The following DNAH3 variants were observed in gnomAD, a reference collection of about 807,000 sequenced individuals.
DNAH3 encodes the protein dynein axonemal heavy chain 3, also known as axonemal beta dynein heavy chain 3.
DNAH3 carries 332 observed loss-of-function variants against 432.5 expected under a neutral mutation model. The ratio of observed to expected loss-of-function variants is 0.77; its 90% CI spans 0.70 to 0.84. DNAH3 has a LOEUF of 0.84. DNAH3 is among the 40% of genes least tolerant of loss of function. The pLI is 0.00. For missense variants in DNAH3, 4,861 were observed against 5,114.0 expected (o/e 0.95, Z 1.51); for synonymous variants, 1,956 against 1,900.2 (o/e 1.03, Z -0.76).
chr16:20,990,847 C>T (rs1208642404), intron 44 of DNAH3, among the ~76,000 whole-genome samples: 1 of 151,888 alleles, frequency 6.6e-6, no homozygotes, highest in Non-Finnish European at 1.5e-5. Flanking sequence ...TGGTGAAACC[C>T]CCATCTCTAT....
exon 60 of DNAH3, chr16:20,936,675 G>C: frequency 6.2e-7 from 1 of 1,603,400 alleles, no homozygotes; most frequent in Non-Finnish European, 8.5e-7. Flanking sequence ...CGGGCCAGCA[G>C]GTCAGCCACG....
Position 21,060,261 on chromosome 16 carries a change from T to C in DNAH3, c.3813+3A>G, listed in dbSNP as rs763507026. 13 of 1,612,382 alleles carry C rather than the reference T, an allele frequency of 8.1e-6. No individual in the cohort carries two copies. Among genetic ancestry groups the C allele is most frequent in the Non-Finnish European group, 1.1e-5 (13 of 1,178,452 alleles). The stretch of plus-strand genomic sequence containing the variant: ...TGGCATGTGTACCCCGGTTCTTGTT[T>C]ACCTTGACATATGCTTCAATCCCAA... On this transcript the variant is annotated splice_donor_region_variant and intron_variant, in intron 26 of 61. Coordinates refer to ENST00000261383, the Ensembl canonical transcript of DNAH3.
intron 31 of DNAH3, among the ~76,000 whole-genome samples, chr16:21,048,419 G>T (rs1261485142): frequency 6.6e-6 from 1 of 152,184 alleles, no homozygotes; most frequent in African/African-American, 2.4e-5. Context: ...GCAGTATTCG[G>T]GTGGGAGTGA....
rs796614759 is a variant in DNAH3 at position 21,141,054 on chromosome 16, G to A, written c.521+246C>T. ...CTCAGGAGGCTAAGGAAGGAGAGTC[G>A]CTTGAACCCGGGAGGCAGATGTTGC... is the stretch of plus-strand genomic sequence containing the variant. On this transcript the variant is annotated intron_variant, in intron 4 of 61. Transcript: ENST00000261383. Among the ~76,000 whole-genome samples, 20 of 152,126 alleles carry A rather than the reference G, an allele frequency of 1.3e-4. 1 individual carries two copies. The highest frequency in any genetic ancestry group is 1.6e-4 in the Non-Finnish European group (11 of 67,992).
At chr16:20,963,507 T>C (rs1555511088) in exon 53 of DNAH3, 7 of 1,613,548 alleles carry the variant, frequency 4.3e-6, no homozygotes, top group South Asian at 2.2e-5. Flanking sequence ...ACCCAGGGAG[T>C]TGCTCCTCAT....
rs1484782365 is a variant in DNAH3 at position 20,964,130 on chromosome 16, T to C, written c.9754A>G (p.Asn3252Asp). Reference sequence around the variant, plus strand: ...ATGGCGGTTTCATCCTCCAGGATGTTACCCTTGGACATGGAGAGAACCTCC... The same window carrying C: ...ATGGCGGTTTCATCCTCCAGGATGTCACCCTTGGACATGGAGAGAACCTCC... The change falls in exon 53 of 62, where the codon AAC (asparagine) becomes GAC (aspartate). Residue 3252 changes from asparagine (N) to aspartate (D), a missense_variant. By Grantham distance (23) the Asn-to-Asp change is conservative. Transcript: ENST00000261383. 2.5e-6 allele frequency: 4 copies of C among 1,614,082 alleles called. No individual in the cohort carries two copies. The South Asian group carries it at 4.4e-5, about 18-fold the overall frequency.
chr16:21,141,637 A>G (rs760278034), intron 3 of DNAH3, among the ~76,000 whole-genome samples: 3 of 152,216 alleles, frequency 2.0e-5, no homozygotes, highest in Non-Finnish European at 4.4e-5. Context: ...TCGTTCATAC[A>G]TTTGGCAAGA....
At chr16:21,130,266 A>G (rs17694722) in intron 7 of DNAH3, among the ~76,000 whole-genome samples, 24,352 of 150,380 alleles carry the variant, frequency 0.16, 2,433 homozygotes, top group South Asian at 0.23. Context: ...GATAAGGAAG[A>G]GCGGAAACTA....
chr16:21,018,756 G>A (rs950877321), intron 41 of DNAH3, among the ~76,000 whole-genome samples: 5 of 151,964 alleles, frequency 3.3e-5, no homozygotes, highest in Non-Finnish European at 5.9e-5. Context: ...TTAGCCAGGC[G>A]TGGTGGTGCA....
chr16:21,132,283 C>A (rs571911871), intron 7 of DNAH3, among the ~76,000 whole-genome samples: 132 of 152,294 alleles, frequency 8.7e-4, no homozygotes, highest in African/African-American at 3.1e-3. Flanking sequence ...CCTCCCAAAG[C>A]AAAATACATG....
At chr16:21,098,454 A>AG (rs373978009) in intron 17 of DNAH3, among the ~76,000 whole-genome samples, 162 bp downstream of exon 17, 4,566 of 149,256 alleles carry the variant, frequency 0.031, 129 homozygotes, top group East Asian at 0.15. Context: ...AAAAAAAAAA[A>AG]AAAAGAAAAG....
At chr16:21,045,164 G>T (rs1459729813) in intron 31 of DNAH3, among the ~76,000 whole-genome samples, 1 of 150,518 alleles carries the variant, frequency 6.6e-6, no homozygotes, top group African/African-American at 2.4e-5. Flanking sequence ...GCCTGGCTTT[G>T]GTATCAGAAT....
At position 21,075,438 on chromosome 16, in the gene DNAH3, G is replaced by C. The variant is rs1428529837; in HGVS notation, c.3084+9C>G. The stretch of plus-strand genomic sequence containing the variant: ...TTTCAAAAGGGGCTGCGGTTGCAGT[G>C]AGACTCACAGTGTCCCTGTATTTCA... On this transcript the variant is annotated intron_variant, in intron 21 of 61. Coordinates refer to ENST00000261383, the Ensembl canonical transcript of DNAH3. The C allele has an allele frequency of 6.3e-7, 1 of 1,593,906 alleles. No individual in the cohort carries two copies. Among genetic ancestry groups the C allele is most frequent in the Non-Finnish European group, 8.6e-7 (1 of 1,161,540 alleles).
At chr16:21,096,674 GT>G (rs974289338) in intron 18 of DNAH3, among the ~76,000 whole-genome samples, 1 of 151,348 alleles carries the variant, frequency 6.6e-6, no homozygotes, top group Non-Finnish European at 1.5e-5. Context: ...GTTTTGTTTT[GT>G]TTTTTTCCCA....
rs554812256 is a variant in DNAH3, at chr16:21,022,937, A to G, written c.5647-837T>C. 8.5e-5 allele frequency among the ~76,000 whole-genome samples: 13 copies of G among 152,130 alleles called. No homozygotes were observed. The East Asian group carries it at 2.1e-3, about 25-fold the overall frequency. ...TAATTTTTGTATTTTTAGTAGAGAC[A>G]GGGTTCTACCATGTTGGCCATGCTG... is the stretch of plus-strand genomic sequence containing the variant. On this transcript the variant is annotated intron_variant, in intron 39 of 61. Coordinates refer to ENST00000261383, the Ensembl canonical transcript of DNAH3.
At chr16:20,950,596 A>G (rs2084267879) in intron 56 of DNAH3, among the ~76,000 whole-genome samples, 1 of 152,188 alleles carries the variant, frequency 6.6e-6, no homozygotes, top group Non-Finnish European at 1.5e-5. Flanking sequence ...AATCACAGGT[A>G]TACAGTGTCT....
rs2090940737 is a variant in DNAH3, at chr16:21,075,456, G to T, written c.3075C>A (p.Tyr1025Ter). ...TTGCAGTGAGACTCACAGTGTCCCT[G>T]TATTTCACGAAGCTGAACGTCACGT... Residue 1025 changes from tyrosine to a stop codon, truncating the protein, a stop_gained, in exon 21 of 62, where the codon TAC becomes TAA. Transcript: ENST00000261383. LOFTEE classifies it high-confidence loss of function. 2.5e-6 allele frequency: 4 copies of T among 1,612,648 alleles called. No homozygotes were observed. Among genetic ancestry groups the T allele is most frequent in the Non-Finnish European group, 3.4e-6 (4 of 1,178,638 alleles).
At chr16:21,005,831 GCTCTA>G (rs2087273401) in intron 41 of DNAH3, among the ~76,000 whole-genome samples, 1 of 149,348 alleles carries the variant, frequency 6.7e-6, no homozygotes, top group Non-Finnish European at 1.5e-5. Flanking sequence ...TGCAGACATT[GCTCTA>G]TTCTTTTTTT....
intron 16 of DNAH3, among the ~76,000 whole-genome samples, chr16:21,100,774 C>G (rs958342000): frequency 6.6e-6 from 1 of 152,178 alleles, no homozygotes; most frequent in African/African-American, 2.4e-5. Flanking sequence ...GTTGTACATG[C>G]AATTAGGTGC....
Sources: allele counts gnomAD v4.1 joint callset (sites outside exome capture counted in the v4.1 genomes callset), GRCh38; gene constraint gnomAD v4.1.1; transcripts MANE v1.5; gene names NCBI Gene and HGNC (gene_info 2026-07-23, HGNC 2026-07-21).